The following MACROD2 variants were observed in gnomAD, a reference collection of about 807,000 sequenced individuals.
MACROD2 encodes ADP-ribose glycohydrolase MACROD2.
MACROD2 carries 36 observed loss-of-function variants against 70.4 expected under a neutral mutation model. The observed-to-expected ratio is 0.51, with a 90% CI of 0.39 to 0.68. The LOEUF (loss-of-function observed/expected upper bound fraction) is 0.68, where lower values mean the gene tolerates loss of function less well. Ranked by LOEUF, MACROD2 falls within the 30% of genes least tolerant of loss-of-function variation. The pLI, the probability that MACROD2 is intolerant of heterozygous loss-of-function variation, is 0.00. For missense variants in MACROD2, 496 were observed against 538.4 expected (o/e 0.92, Z 0.78); for synonymous variants, 172 against 178.8 (o/e 0.96, Z 0.30).
intron 8 of MACROD2, among the ~76,000 whole-genome samples, chr20:15,620,926 T>C (rs1046764283): frequency 5.9e-5 from 9 of 152,252 alleles, no homozygotes; most frequent in African/African-American, 1.9e-4. Context: ...GTCTCAGGAT[T>C]CTGGGAACAT....
chr20:15,485,933 C>T (rs1477050267), intron 7 of MACROD2, among the ~76,000 whole-genome samples: 1 of 152,076 alleles, frequency 6.6e-6, no homozygotes, highest in African/African-American at 2.4e-5. Flanking sequence ...CAGTCGATTA[C>T]TCAGGTCATT....
chr20:14,686,560 G>T (rs2071004720), intron 5 of MACROD2, among the ~76,000 whole-genome samples: 1 of 152,108 alleles, frequency 6.6e-6, no homozygotes, highest in African/African-American at 2.4e-5. Flanking sequence ...TCTATGTTTA[G>T]CTATGTTTAC....
At chr20:15,373,963 A>G (rs2045527506) in intron 6 of MACROD2, among the ~76,000 whole-genome samples, 1 of 151,402 alleles carries the variant, frequency 6.6e-6, no homozygotes, top group Non-Finnish European at 1.5e-5. Flanking sequence ...TCTTATTTTG[A>G]TGTTCATTCT....
intron 3 of MACROD2, among the ~76,000 whole-genome samples, chr20:14,384,080 C>T (rs1263295446): frequency 1.3e-5 from 2 of 152,050 alleles, no homozygotes; most frequent in African/African-American, 4.8e-5. Flanking sequence ...AACCTAGTCT[C>T]ACATTAAGAG....
chr20:15,119,378 G>T (rs2123243529), intron 5 of MACROD2, among the ~76,000 whole-genome samples: 1 of 152,206 alleles, frequency 6.6e-6, no homozygotes, highest in South Asian at 2.1e-4. Context: ...ACAAGTTATG[G>T]AGTGTGTACA....
intron 3 of MACROD2, among the ~76,000 whole-genome samples, chr20:14,443,896 A>G (rs982528324): frequency 6.6e-6 from 1 of 152,174 alleles, no homozygotes; most frequent in African/African-American, 2.4e-5. Context: ...CATTTAAAGC[A>G]CTTAGCACAT....
In MACROD2 at chr20:14,461,506, T is replaced by G. The variant is rs2084370997; in HGVS notation, c.272-31973T>G. The stretch of plus-strand genomic sequence containing the variant: ...TTTGCTGTTACTTCTCTAGGTCTTT[T>G]TTTTTTATTATACTTTAAGTTTTAG... On this transcript the variant is annotated intron_variant, in intron 3 of 17. Transcript: ENST00000684519. 3.9e-5 allele frequency among the ~76,000 whole-genome samples: 6 copies of G among 152,120 alleles called. No individual in the cohort carries two copies. The South Asian group carries it at 1.2e-3, about 32-fold the overall frequency.
chr20:14,336,641 A>G (rs934209105), intron 3 of MACROD2, among the ~76,000 whole-genome samples: 15 of 152,176 alleles, frequency 9.9e-5, no homozygotes, highest in African/African-American at 3.4e-4. Flanking sequence ...CACTGCATAC[A>G]TCAGGCATAG....
intron 5 of MACROD2, among the ~76,000 whole-genome samples, chr20:15,165,093 TAATAG>T (rs1053893293): frequency 6.6e-6 from 1 of 151,984 alleles, no homozygotes; most frequent in African/African-American, 2.4e-5. Flanking sequence ...AATATATATA[TAATAG>T]GAGTGAAAAT....
chr20:15,922,283 A>T (rs2065421452), intron 10 of MACROD2, among the ~76,000 whole-genome samples: 1 of 152,258 alleles, frequency 6.6e-6, no homozygotes, highest in Non-Finnish European at 1.5e-5. Flanking sequence ...TTACAAATGC[A>T]TATGTTGTTT....
chr20:14,842,267 C>G (rs2073095605), intron 5 of MACROD2, among the ~76,000 whole-genome samples: 1 of 152,016 alleles, frequency 6.6e-6, no homozygotes, highest in South Asian at 2.1e-4. Flanking sequence ...GGGTGCTGCC[C>G]CCTGACCTAA....
intron 5 of MACROD2, among the ~76,000 whole-genome samples, chr20:15,096,151 A>G (rs982060922): frequency 6.6e-6 from 1 of 152,090 alleles, no homozygotes; most frequent in Non-Finnish European, 1.5e-5. Context: ...CTAGGCCACG[A>G]ATAATGGAGC....
At chr20:14,923,330 A>G (rs2074186736) in intron 5 of MACROD2, among the ~76,000 whole-genome samples, 1 of 152,192 alleles carries the variant, frequency 6.6e-6, no homozygotes, top group Admixed American at 6.5e-5. Context: ...TCTCCAGCCC[A>G]GACTTGTCTG....
chr20:16,005,699 T>A (rs2066778658), intron 15 of MACROD2, among the ~76,000 whole-genome samples: 1 of 152,246 alleles, frequency 6.6e-6, no homozygotes, highest in Non-Finnish European at 1.5e-5. Flanking sequence ...TCACAGCGTG[T>A]CTTTTTGTTG....
At chr20:14,936,219 AG>A (rs1407994238) in intron 5 of MACROD2, among the ~76,000 whole-genome samples, 1 of 152,220 alleles carries the variant, frequency 6.6e-6, no homozygotes, top group Non-Finnish European at 1.5e-5. Context: ...TGAAAACTGA[AG>A]GTCAAGAAGG....
intron 5 of MACROD2, among the ~76,000 whole-genome samples, chr20:15,045,907 G>T (rs2075391062): frequency 1.3e-5 from 2 of 151,744 alleles, no homozygotes; most frequent in Non-Finnish European, 2.9e-5. Flanking sequence ...ATTTCTGAGG[G>T]TGTTCTGCTG....
chr20:14,542,071 G>T (rs2085440062), intron 4 of MACROD2, among the ~76,000 whole-genome samples: 1 of 152,180 alleles, frequency 6.6e-6, no homozygotes, highest in Admixed American at 6.5e-5. Flanking sequence ...TGGATTCCCA[G>T]CCTTTCTTGA....
chr20:14,769,884 C>T (rs1376670410), intron 5 of MACROD2, among the ~76,000 whole-genome samples: 5 of 151,908 alleles, frequency 3.3e-5, no homozygotes, highest in Non-Finnish European at 5.9e-5. Context: ...TTATTTATGA[C>T]AGAGAAAACA....
At chr20:14,364,529 G>A (rs919935403) in intron 3 of MACROD2, among the ~76,000 whole-genome samples, 4 of 152,038 alleles carry the variant, frequency 2.6e-5, no homozygotes, top group Non-Finnish European at 5.9e-5. Context: ...TGCAACCACC[G>A]CCTCTATTTC....
Sources: allele counts gnomAD v4.1 joint callset (sites outside exome capture counted in the v4.1 genomes callset), GRCh38; gene constraint gnomAD v4.1.1; transcripts MANE v1.5; gene names NCBI Gene and HGNC (gene_info 2026-07-23, HGNC 2026-07-21).